Variants in NINJ2 observed in about 807,000 individuals in gnomAD.
NINJ2 encodes the protein ninjurin-2.
Under a neutral mutation model 11.7 loss-of-function variants are expected in NINJ2, and 12 were observed. The observed-to-expected ratio is 1.02, with a 90% CI of 0.66 to 1.66. NINJ2 has a LOEUF of 1.66. Among genes scored for constraint, NINJ2 ranks in the 40% most tolerant of loss-of-function variants. The probability of loss-of-function intolerance (pLI) is 0.00; values close to 1 mark genes in which losing one functional copy is unlikely to be tolerated. For synonymous variants in NINJ2, 93 were observed against 76.8 expected, an observed-to-expected ratio of 1.21 and a Z score of -1.10; for missense variants, 187 against 181.8, an observed-to-expected ratio of 1.03 and a Z score of -0.16.
At chr12:597,685 T>G (rs1310186701) in intron 1 of NINJ2, among the ~76,000 whole-genome samples, 3 of 152,236 alleles carry the variant, frequency 2.0e-5, no homozygotes, top group Non-Finnish European at 4.4e-5. Flanking sequence ...CTCTTGCCAT[T>G]GGCCAAGAAC....
At chr12:658,041 C>T (rs574750856) in intron 1 of NINJ2, among the ~76,000 whole-genome samples, 3 of 122,064 alleles carry the variant, frequency 2.5e-5, no homozygotes, top group Admixed American at 1.1e-4. Context: ...CTCTGTCACT[C>T]AGGCTGGAGT....
intron 3 of NINJ2, among the ~76,000 whole-genome samples, chr12:564,942 G>A (rs901963045): frequency 1.3e-5 from 2 of 152,232 alleles, no homozygotes; most frequent in African/African-American, 2.4e-5. Context: ...TCCTCTTGCC[G>A]GAGGGGCAGA....
intron 1 of NINJ2, among the ~76,000 whole-genome samples, chr12:616,645 C>G (rs577472602): frequency 3.9e-5 from 6 of 152,338 alleles, no homozygotes; most frequent in African/African-American, 1.4e-4. Context: ...AGAAAAGGGA[C>G]TTCTTGACTA....
At chr12:658,224 C>T (rs1053207446) in intron 1 of NINJ2, among the ~76,000 whole-genome samples, 7 of 151,984 alleles carry the variant, frequency 4.6e-5, no homozygotes, top group East Asian at 1.9e-4. Flanking sequence ...AGGCTGGTCT[C>T]GAACTCCTAA....
intron 1 of NINJ2, among the ~76,000 whole-genome samples, chr12:600,622 G>T (rs1947852958): frequency 6.6e-6 from 1 of 151,510 alleles, no homozygotes; most frequent in Admixed American, 6.6e-5. Context: ...AAATTAGACG[G>T]ATGGCAAGGC....
chr12:572,194 G>A (rs547904804), intron 1 of NINJ2, among the ~76,000 whole-genome samples: 9 of 152,340 alleles, frequency 5.9e-5, no homozygotes, highest in East Asian at 1.9e-4. Flanking sequence ...GGCTCTGAGC[G>A]GAGAATCCCG....
intron 1 of NINJ2, among the ~76,000 whole-genome samples, chr12:576,637 G>C (rs945294968): frequency 6.6e-6 from 1 of 152,202 alleles, no homozygotes; most frequent in Admixed American, 6.5e-5. Context: ...GGGGCTGCAG[G>C]CGCGAGCCGC....
At chr12:592,516 C>T (rs1177555617) in intron 1 of NINJ2, among the ~76,000 whole-genome samples, 5 of 152,156 alleles carry the variant, frequency 3.3e-5, no homozygotes, top group Non-Finnish European at 7.3e-5. Context: ...GCCTGGCCAA[C>T]GTGGTGAAAC....
At chr12:663,194 G>T in intron 1 of NINJ2, 134 bp downstream of exon 1, 1 of 744,758 alleles carries the variant, frequency 1.3e-6, no homozygotes, top group Non-Finnish European at 2.2e-6. Context: ...AGCCTAGGGA[G>T]CATTTGGAGA....
At chr12:648,034 T>C (rs1937718504) in intron 1 of NINJ2, among the ~76,000 whole-genome samples, 1 of 152,218 alleles carries the variant, frequency 6.6e-6, no homozygotes, top group African/African-American at 2.4e-5. Flanking sequence ...TGAAAGACCC[T>C]TTCACGGTGC....
chr12:613,740 C>A (rs1165852406), intron 1 of NINJ2, among the ~76,000 whole-genome samples: 3 of 151,970 alleles, frequency 2.0e-5, no homozygotes, highest in Admixed American at 6.6e-5. Flanking sequence ...CCCGTCTCTA[C>A]TAAAAATTCA....
intron 1 of NINJ2, among the ~76,000 whole-genome samples, chr12:587,442 G>A (rs1043011865): frequency 6.6e-6 from 1 of 152,242 alleles, no homozygotes; most frequent in African/African-American, 2.4e-5. Flanking sequence ...CCATCTTACA[G>A]AATTTGCACA....
intron 1 of NINJ2, among the ~76,000 whole-genome samples, chr12:658,113 C>T (rs908685674): frequency 3.4e-5 from 5 of 148,872 alleles, no homozygotes; most frequent in African/African-American, 1.2e-4. Context: ...ATTCTCCTGC[C>T]TTAGCCTCCC....
chr12:589,468 A>G (rs2535436), intron 1 of NINJ2: 112,926 of 152,094 alleles, frequency 0.74, 42,170 homozygotes, highest in Middle Eastern at 0.78. Flanking sequence ...ATCACACTAA[A>G]GACTTTCCCT....
At chr12:565,058 G>A (rs1947273216) in intron 3 of NINJ2, among the ~76,000 whole-genome samples, 159 bp downstream of exon 3, 1 of 152,230 alleles carries the variant, frequency 6.6e-6, no homozygotes, top group South Asian at 2.1e-4. Context: ...TGCAAGCCTC[G>A]CTGAGGCCAG....
At chr12:605,475 G>A (rs979963403) in intron 1 of NINJ2, among the ~76,000 whole-genome samples, 5 of 152,226 alleles carry the variant, frequency 3.3e-5, no homozygotes, top group Non-Finnish European at 5.9e-5. Context: ...CCGGAGGATC[G>A]CTTGAGCCCA....
intron 1 of NINJ2, among the ~76,000 whole-genome samples, chr12:646,931 C>G (rs973620674): frequency 6.6e-6 from 1 of 151,466 alleles, no homozygotes; most frequent in African/African-American, 2.4e-5. Context: ...TGGCGTGGAG[C>G]CTGGTCAACT....
At chr12:570,197 G>A (rs907972755) in intron 1 of NINJ2, among the ~76,000 whole-genome samples, 3 of 152,218 alleles carry the variant, frequency 2.0e-5, no homozygotes, top group Non-Finnish European at 4.4e-5. Flanking sequence ...AGCACAACCT[G>A]CAGCCGAGGG....
intron 1 of NINJ2, among the ~76,000 whole-genome samples, chr12:590,012 T>C (rs1947697532): frequency 6.6e-6 from 1 of 152,160 alleles, no homozygotes. Flanking sequence ...GAGGGGCTGA[T>C]GAGGCACTTA....
Sources: gnomAD v4.1 joint callset for allele counts (sites outside exome capture counted in the v4.1 genomes callset) on GRCh38, gnomAD v4.1.1 for gene constraint, MANE v1.5 for transcripts, NCBI Gene and HGNC (gene_info 2026-07-23, HGNC 2026-07-21) for gene names.